The following NAP1L4 variants were observed in gnomAD, a reference collection of about 807,000 sequenced individuals.
NAP1L4 encodes the protein nucleosome assembly protein 1 like 4.
NAP1L4 carries 15 observed loss-of-function variants against 58.2 expected under a neutral mutation model. The observed-to-expected ratio is 0.26, with a 90% CI of 0.17 to 0.40. The LOEUF (loss-of-function observed/expected upper bound fraction) is 0.40, where lower values mean the gene tolerates loss of function less well. NAP1L4 is among the 10% of genes least tolerant of loss of function. NAP1L4 has a pLI of 1.00. For missense variants in NAP1L4, 384 were observed against 451.1 expected, an observed-to-expected ratio of 0.85 and a Z score of 1.35; for synonymous variants, 171 against 155.6, an observed-to-expected ratio of 1.10 and a Z score of -0.74.
At chr11:2,957,633 AT>A (rs1490495814) in intron 10 of NAP1L4, among the ~76,000 whole-genome samples, 1 of 152,220 alleles carries the variant, frequency 6.6e-6, no homozygotes, top group Non-Finnish European at 1.5e-5. Flanking sequence ...TTTTCTCGCG[AT>A]TAGGAAATTA....
Position 2,959,972 on chromosome 11 carries a change from T to TG in NAP1L4, c.607-64dup. On this transcript the variant is annotated intron_variant, in intron 8 of 15. Transcript: ENST00000380542. This position sits in a 1 kb window ranked among gnomAD's most constrained non-coding sequence, Gnocchi z 4.9. ...AGAAAAATAACGAGGACAGATTGCT[T>TG]GGAGTACACAACACTTACTAGAAGC... 6 of 1,546,230 alleles carry TG rather than the reference T, an allele frequency of 3.9e-6. No individual in the cohort carries two copies. Among genetic ancestry groups the TG allele is most frequent in the Non-Finnish European group, 5.3e-6 (6 of 1,130,234 alleles).
chr11:2,987,315 T>A (rs1848690332), intron 1 of NAP1L4, among the ~76,000 whole-genome samples: 1 of 151,790 alleles, frequency 6.6e-6, no homozygotes. Context: ...GTTGTTGTTG[T>A]TTTTTGAGGT....
chr11:2,952,004 TG>T, intron 12 of NAP1L4, 195 bp from the exon 13 acceptor site: 1 of 634,934 alleles, frequency 1.6e-6, no homozygotes, highest in South Asian at 1.9e-5. Context: ...GCCAGGAAAT[TG>T]AAAGTCACGC....
chr11:2,965,809 C>T (rs1020173339), intron 7 of NAP1L4, among the ~76,000 whole-genome samples: 1 of 152,148 alleles, frequency 6.6e-6, no homozygotes, highest in Non-Finnish European at 1.5e-5. Flanking sequence ...GGATTACAGG[C>T]GTGAGCCACC....
chr11:2,988,293 T>C (rs1170432876), intron 1 of NAP1L4, among the ~76,000 whole-genome samples: 2 of 152,242 alleles, frequency 1.3e-5, no homozygotes, highest in Non-Finnish European at 2.9e-5. Context: ...CTTAATCCAG[T>C]ACATATTAAA....
At chr11:2,977,548 A>C (rs754112864) in intron 3 of NAP1L4, among the ~76,000 whole-genome samples, 4 of 152,214 alleles carry the variant, frequency 2.6e-5, no homozygotes, top group Admixed American at 2.6e-4. Context: ...ACTCTAGAAC[A>C]AAACAAAACG....
intron 2 of NAP1L4, 105 bp downstream of exon 2, chr11:2,979,102 T>G: frequency 8.3e-7 from 1 of 1,205,186 alleles, no homozygotes. Flanking sequence ...AGCTAGACGC[T>G]GAAATGCATT....
At chr11:2,972,398 C>G in intron 4 of NAP1L4, 155 bp from the exon 5 acceptor site, 1 of 517,754 alleles carries the variant, frequency 1.9e-6, no homozygotes, top group Non-Finnish European at 3.1e-6. Context: ...AATACCCCAA[C>G]AGGAAAAAAA....
At chr11:2,952,014 G>A (rs756692) in intron 12 of NAP1L4, 203,710 of 625,458 alleles carry the variant, frequency 0.33, 37,814 homozygotes, top group East Asian at 0.67. Flanking sequence ...TGAAAGTCAC[G>A]CAAAACAAGG....
intron 1 of NAP1L4, among the ~76,000 whole-genome samples, chr11:2,980,660 A>G (rs1848248203): frequency 2.6e-5 from 4 of 152,108 alleles, no homozygotes; most frequent in Admixed American, 2.0e-4. Context: ...AAACTGGCCA[A>G]TGTTCATTCT....
At chr11:2,963,568 T>C (rs1029123709) in intron 8 of NAP1L4, among the ~76,000 whole-genome samples, 4 of 152,044 alleles carry the variant, frequency 2.6e-5, no homozygotes. Context: ...CAGATACAGG[T>C]ACATCCACTG....
In NAP1L4 at chr11:2,954,757, A is replaced by G. The variant is rs2073581; in HGVS notation, c.916-111T>C. 0.22 allele frequency: 308,360 copies of G among 1,382,656 alleles called. 36,254 individuals are homozygous for G. The highest frequency in any genetic ancestry group is 0.34 in the South Asian group (28,522 of 84,730). The allele number at this position is 1,382,656 out of a possible 1,614,324, so 85.6% of individuals were successfully genotyped here. ...ACTTTTGATTTACTTAACTTAAAAC[A>G]CCAAACTCCTGCACTGCTGGGGGAC... On this transcript the variant is annotated intron_variant, in intron 11 of 15. Coordinates refer to ENST00000380542, the MANE Select transcript of NAP1L4 (RefSeq NM_005969.4). This position sits in a 1 kb window ranked among gnomAD's most constrained non-coding sequence, Gnocchi z 4.8.
rs930225677 is a variant in NAP1L4 at position 2,956,323 on chromosome 11, C to T, written c.893-557G>A. Among the ~76,000 whole-genome samples, 11 of 152,286 alleles carry T rather than the reference C, an allele frequency of 7.2e-5. 1 individual carries two copies. Among genetic ancestry groups the T allele is most frequent in the Admixed American group, 5.9e-4 (9 of 15,306 alleles). On this transcript the variant is annotated intron_variant, in intron 10 of 15. Transcript: ENST00000380542. ...TCCTCAGCGAAAGCTGATGCTCAGACGAGCTAAGCCCACCAAGACAGATAG... is the reference window on the plus strand; with the variant it reads ...TCCTCAGCGAAAGCTGATGCTCAGATGAGCTAAGCCCACCAAGACAGATAG...
chr11:2,990,973 T>C (rs1051776979), intron 1 of NAP1L4: 8 of 378,240 alleles, frequency 2.1e-5, no homozygotes, highest in Non-Finnish European at 4.3e-5. Flanking sequence ...TTTTTAAAAG[T>C]CTATTTTCAC....
chr11:2,981,328 C>T (rs180875644), intron 1 of NAP1L4, among the ~76,000 whole-genome samples: 93 of 145,968 alleles, frequency 6.4e-4, no homozygotes, highest in African/African-American at 2.1e-3. Context: ...AAGCAACACT[C>T]GAGCCCAGGA....
intron 7 of NAP1L4, among the ~76,000 whole-genome samples, chr11:2,969,463 G>T (rs4758501): frequency 0.84 from 127,354 of 151,960 alleles, 53,787 homozygotes; most frequent in African/African-American, 0.93. Context: ...CACACCACAG[G>T]AAGACAGAGA....
chr11:2,972,119 G>A lies in NAP1L4; in HGVS notation c.298C>T (p.Gln100Ter). The change falls in exon 5 of 16, where the codon CAG becomes TAG. Residue 100 changes from glutamine (Q) to a stop codon, truncating the protein, a stop_gained. Transcript: ENST00000380542. LOFTEE classifies it high-confidence loss of function. The part of the protein sequence containing the change: ...DLERKYAALY[Q>*]PLFDKRREFI... ...CTCCCTACCTTGTCAAAGAGAGGCTGGTATAGCGCTGCATACTTTCTTTCC... is the reference window on the plus strand; with the variant it reads ...CTCCCTACCTTGTCAAAGAGAGGCTAGTATAGCGCTGCATACTTTCTTTCC... 1.9e-6 allele frequency: 3 copies of A among 1,569,730 alleles called. No homozygotes were observed. Among genetic ancestry groups the A allele is most frequent in the Non-Finnish European group, 2.6e-6 (3 of 1,165,416 alleles).
In NAP1L4 at chr11:2,954,433, A is replaced by G. The variant is rs1244016736; in HGVS notation, c.1035+94T>C. 1.9e-6 allele frequency: 3 copies of G among 1,554,012 alleles called. No individual in the cohort carries two copies. The highest frequency in any genetic ancestry group is 1.4e-5 in the African/African-American group (1 of 73,474). On this transcript the variant is annotated intron_variant, in intron 12 of 15. Coordinates refer to ENST00000380542, the MANE Select transcript of NAP1L4 (RefSeq NM_005969.4). This position sits in a 1 kb window ranked among gnomAD's most constrained non-coding sequence, Gnocchi z 4.8. Reference sequence around the variant, plus strand: ...TGGCTGATGATGTAATAAAAAGATTAGGCATGGGGGTTTCCTAAGCCACAA... The same window carrying G: ...TGGCTGATGATGTAATAAAAAGATTGGGCATGGGGGTTTCCTAAGCCACAA...
At chr11:2,963,078 G>A (rs1465037958) in intron 8 of NAP1L4, among the ~76,000 whole-genome samples, 15 of 124,696 alleles carry the variant, frequency 1.2e-4, no homozygotes, top group Non-Finnish European at 2.4e-4. Flanking sequence ...CCAGCCTGGT[G>A]ACACAGTGAG....
Sources: gnomAD v4.1 joint callset for allele counts (sites outside exome capture counted in the v4.1 genomes callset) on GRCh38, gnomAD v4.1.1 for gene constraint, Gnocchi (gnomAD v3.1) non-coding constraint, MANE v1.5 for transcripts, NCBI Gene and HGNC (gene_info 2026-07-23, HGNC 2026-07-21) for gene names.